Variants in KMT2B observed in about 807,000 individuals in gnomAD.
The protein encoded by KMT2B is lysine methyltransferase 2B, also known as histone-lysine N-methyltransferase 2B.
In KMT2B, 22 loss-of-function variants were observed where a neutral mutation model predicts 255.3. That is an observed-to-expected ratio of 0.09 (90% confidence interval 0.06 to 0.12). The LOEUF is 0.12. Among genes scored for constraint, KMT2B ranks in the 10% least tolerant of loss-of-function variants. The pLI is 1.00. For missense variants in KMT2B, 3,149 were observed against 3,737.0 expected, an observed-to-expected ratio of 0.84 and a Z score of 4.10; for synonymous variants, 1,730 against 1,498.1, an observed-to-expected ratio of 1.15 and a Z score of -3.57.
rs769608051 is a variant in KMT2B at position 35,727,551 on chromosome 19, G to C, written c.4231G>C (p.Gly1411Arg). 4.4e-6 allele frequency: 7 copies of C among 1,607,022 alleles called. No individual in the cohort carries two copies. The African/African-American group carries it at 6.7e-5, about 15-fold the overall frequency. Residue 1411 changes from glycine to arginine, a missense_variant, in exon 16 of 37, where the codon GGG (glycine) becomes CGG (arginine). By Grantham distance (125) the Gly-to-Arg change is moderately radical. This residue lies in a region of KMT2B where 377 missense variants were observed against 471.0 expected (regional missense o/e 0.80). Transcript: ENST00000420124. The surrounding 1 kb of genome is among the most constrained non-coding windows in gnomAD (Gnocchi z 4.2). ...AGAGGCCCTGAGCGGGGCCCTCCAG[G>C]GGGGCCTGCGCCAGGTGCTCCAGGG... ...WREALSGALQGGLRQVLQGLL... is the reference protein window; with the variant it reads ...WREALSGALQRGLRQVLQGLL...
At position 35,732,452 on chromosome 19, in the gene KMT2B, C is replaced by T; in HGVS notation, c.5903C>T (p.Pro1968Leu). The T allele has an allele frequency of 1.2e-6, 2 of 1,613,908 alleles. No homozygotes were observed. The highest frequency in any genetic ancestry group is 1.7e-6 in the Non-Finnish European group (2 of 1,179,834). ...LAPPGPAPSP[P>L]PPEDLGPDFE... ...CCCCCTGGCCCGGCCCCATCTCCAC[C>T]ACCCCCTGAAGACCTGGGCCCAGAC... The change falls in exon 28 of 37, where the codon CCA becomes CTA. Residue 1968 changes from proline to leucine, a missense_variant. Transcript: ENST00000420124.
intron 19 of KMT2B, 142 bp from the exon 20 acceptor site, chr19:35,728,632 C>T (rs1047707594): frequency 1.2e-5 from 8 of 673,836 alleles, no homozygotes; most frequent in African/African-American, 1.8e-5. Context: ...ACAAGAGGGC[C>T]TGGCTTATTT....
Position 35,725,895 on chromosome 19 carries a change from G to T in KMT2B, c.3885+77G>T. ...ACCCCCAAACTTGCTCTAGGCTGGG[G>T]CTCTCAGGAGGAGCAGAGGTTGGGG... On this transcript the variant is annotated intron_variant, in intron 13 of 36. Transcript: ENST00000420124. The surrounding 1 kb of genome is among the most constrained non-coding windows in gnomAD (Gnocchi z 4.1). 8.2e-7 allele frequency: 1 copy of T among 1,224,038 alleles called. No individual in the cohort carries two copies. Among genetic ancestry groups the T allele is most frequent in the Middle Eastern group, 1.9e-4 (1 of 5,336 alleles). The allele number at this position is 1,224,038 out of a possible 1,614,324, so 75.8% of individuals were successfully genotyped here. A position where few individuals can be genotyped will look rare whatever the true frequency, so the allele number is the denominator to read the frequency against.
At position 35,718,072 on chromosome 19, in the gene KMT2B, C is replaced by T. The variant is rs2146428352; in HGVS notation, c.54C>T (p.Gly18=). The change falls in exon 1 of 37, where the codon GGC becomes GGT. Residue 18 remains glycine, a synonymous_variant. Coordinates refer to ENST00000420124, the MANE Select transcript of KMT2B (RefSeq NM_014727.3). This position sits in a 1 kb window ranked among gnomAD's most constrained non-coding sequence, Gnocchi z 5.0. ...GSCPGPGSAR[G]RFPGRPRGAG... Reference sequence around the variant, plus strand: ...GCCCCGGGCCTGGCTCCGCGCGGGGCCGCTTCCCGGGCCGGCCGCGGGGCG... The same window carrying T: ...GCCCCGGGCCTGGCTCCGCGCGGGGTCGCTTCCCGGGCCGGCCGCGGGGCG... 2 of 987,140 alleles carry T rather than the reference C, an allele frequency of 2.0e-6. No homozygotes were observed. The highest frequency in any genetic ancestry group is 2.4e-6 in the Non-Finnish European group (2 of 832,476). The allele number at this position is 987,140 out of a possible 1,614,324, so 61.1% of individuals were successfully genotyped here.
intron 1 of KMT2B, among the ~76,000 whole-genome samples, 172 bp from the exon 2 acceptor site, chr19:35,719,297 T>C (rs1280558846): frequency 6.6e-6 from 1 of 152,196 alleles, no homozygotes; most frequent in African/African-American, 2.4e-5. Context: ...CCTCCATCCC[T>C]AGGGAGAGAC....
In KMT2B at chr19:35,732,748, G is replaced by A. The variant is rs533229757; in HGVS notation, c.6199G>A (p.Gly2067Ser). The A allele has an allele frequency of 3.2e-5, 52 of 1,610,360 alleles. No homozygotes were observed. Among genetic ancestry groups the A allele is most frequent in the Non-Finnish European group, 4.0e-5 (47 of 1,178,748 alleles). Residue 2067 changes from glycine to serine, a missense_variant, in exon 28 of 37, where the codon GGC becomes AGC. By Grantham distance (56) the Gly-to-Ser change is moderately conservative. Transcript: ENST00000420124. ...RIEQLDGVDD[G>S]TDSEAEAVQQ... ...TGAACAGCTGGACGGCGTGGACGAC[G>A]GCACTGACAGTGAGGCTGAGGCGGT...
rs565240074 is a variant in KMT2B, at chr19:35,718,331, C to G, written c.313C>G (p.Arg105Gly). Reference protein sequence around the residue: ...RGRGRGWGPSRGCVPEEESSD... With the variant: ...RGRGRGWGPSGGCVPEEESSD... ...TCGGGGCCGGGGCTGGGGCCCGAGTCGAGGCTGCGTGCCGGAGGAGGAGAG... is the reference window on the plus strand; with the variant it reads ...TCGGGGCCGGGGCTGGGGCCCGAGTGGAGGCTGCGTGCCGGAGGAGGAGAG... The change falls in exon 1 of 37, where the codon CGA becomes GGA. Residue 105 changes from arginine (R) to glycine (G), a missense_variant. Arg to Gly is a moderately radical substitution (Grantham distance 125). This residue lies in a region of KMT2B where 1,188 missense variants were observed against 1,106.4 expected (regional missense o/e 1.07). Transcript: ENST00000420124. The surrounding 1 kb of genome is among the most constrained non-coding windows in gnomAD (Gnocchi z 5.0). 15 of 1,254,540 alleles carry G rather than the reference C, an allele frequency of 1.2e-5. No individual in the cohort carries two copies. The highest frequency in any genetic ancestry group is 1.5e-5 in the Non-Finnish European group (15 of 992,800). 77.7% of individuals were successfully genotyped at this position (1,254,540 alleles called of 1,614,324 possible). A position where few individuals can be genotyped will look rare whatever the true frequency, so the allele number is the denominator to read the frequency against.
intron 23 of KMT2B, 66 bp from the exon 24 acceptor site, chr19:35,730,275 TC>T: frequency 6.2e-7 from 1 of 1,603,790 alleles, no homozygotes; most frequent in Admixed American, 1.7e-5. Flanking sequence ...CCCTGACTGT[TC>T]AGACTTCCCT....
rs749310826 is a variant in KMT2B, at chr19:35,738,128, G to A, written c.7809G>A (p.Glu2603=). ...RNIDAGEMVI[E]YSGIVIRSVL... ...TCGACGCGGGGGAGATGGTCATCGA[G>A]TACTCTGGCATTGTCATCCGCTCGG... Residue 2603 remains glutamate, a synonymous_variant, in exon 36 of 37, where the codon GAG becomes GAA. Transcript: ENST00000420124. This position sits in a 1 kb window ranked among gnomAD's most constrained non-coding sequence, Gnocchi z 8.7. 6.2e-7 allele frequency: 1 copy of A among 1,613,882 alleles called. No individual in the cohort carries two copies. The highest frequency in any genetic ancestry group is 2.2e-5 in the East Asian group (1 of 44,874).
chr19:35,725,882 G>A lies in KMT2B; in HGVS notation c.3885+64G>A. The A allele has an allele frequency of 7.3e-7, 1 of 1,376,230 alleles. No individual in the cohort carries two copies. The allele number at this position is 1,376,230 out of a possible 1,614,324, so 85.3% of individuals were successfully genotyped here. ...GAATATCACCACCACCCCCAAACTTGCTCTAGGCTGGGGCTCTCAGGAGGA... is the reference window on the plus strand; with the variant it reads ...GAATATCACCACCACCCCCAAACTTACTCTAGGCTGGGGCTCTCAGGAGGA... On this transcript the variant is annotated intron_variant, in intron 13 of 36. Transcript: ENST00000420124. This position sits in a 1 kb window ranked among gnomAD's most constrained non-coding sequence, Gnocchi z 4.1.
Position 35,720,830 on chromosome 19 carries a change from C to T in KMT2B, c.1483C>T (p.Pro495Ser). 2 of 1,546,224 alleles carry T rather than the reference C, an allele frequency of 1.3e-6. No individual in the cohort carries two copies. The highest frequency in any genetic ancestry group is 2.4e-5 in the South Asian group (2 of 81,922). Reference sequence around the variant, plus strand: ...GGCAGGGCCAGAGGGCACCTCTCCTCCCACTCCAACCCCCAGCACCGCCAC... The same window carrying T: ...GGCAGGGCCAGAGGGCACCTCTCCTTCCACTCCAACCCCCAGCACCGCCAC... ...ARAGPEGTSP[P>S]TPTPSTATGG... The change falls in exon 3 of 37, where the codon CCC (proline) becomes TCC (serine). Residue 495 changes from proline (P) to serine (S), a missense_variant. Physicochemically the swap from Pro to Ser is moderately conservative, Grantham distance 74 (BLOSUM62 -1). Around this residue, in one of 18 missense-constraint regions of KMT2B, gnomAD observed 1,188 missense variants for 1,106.4 expected, o/e 1.07. Transcript: ENST00000420124.
rs1268854614 is a variant in KMT2B at position 35,725,403 on chromosome 19, C to T, written c.3642+70C>T. 4.0e-5 allele frequency: 63 copies of T among 1,581,104 alleles called. No homozygotes were observed. Among genetic ancestry groups the T allele is most frequent in the Non-Finnish European group, 5.4e-5 (63 of 1,162,214 alleles). On this transcript the variant is annotated intron_variant, in intron 11 of 36. Coordinates refer to ENST00000420124, the MANE Select transcript of KMT2B (RefSeq NM_014727.3). The surrounding 1 kb of genome is among the most constrained non-coding windows in gnomAD (Gnocchi z 4.1). The stretch of plus-strand genomic sequence containing the variant: ...TCCTCACGGCCTGATTCCTTGGGCC[C>T]TCTCAGCTGGGTCTCATCCCTTGGC...
chr19:35,732,663 T>C lies in KMT2B; in HGVS notation c.6114T>C (p.Pro2038=). The C allele has an allele frequency of 3.1e-6, 5 of 1,610,258 alleles. No homozygotes were observed. The highest frequency in any genetic ancestry group is 4.2e-6 in the Non-Finnish European group (5 of 1,178,390). ...CCACCTCCCGCTACATCCACTTCCC[T>C]GTGACTGTGGTGTCCGCCCCTGGTC... ...SSPTSRYIHF[P]VTVVSAPGLA... The change falls in exon 28 of 37, where the codon CCT becomes CCC. Residue 2038 remains proline (P), a synonymous_variant. Transcript: ENST00000420124.
rs1310133895 is a variant in KMT2B at position 35,733,489 on chromosome 19, C to T, written c.6940C>T (p.Pro2314Ser). 6.4e-7 allele frequency: 1 copy of T among 1,565,702 alleles called. No homozygotes were observed. Among genetic ancestry groups the T allele is most frequent in the Non-Finnish European group, 8.7e-7 (1 of 1,155,464 alleles). ...GEASEDTPQV[P>S]GLGSGGFSRV... is the part of the protein sequence containing the mutation. ...GGCCTCAGAGGATACCCCTCAGGTT[C>T]CAGGGCTTGGCAGTGGCGGGTGAGT... Residue 2314 changes from proline (P) to serine (S), a missense_variant, in exon 28 of 37, where the codon CCA becomes TCA. Physicochemically the swap from Pro to Ser is moderately conservative, Grantham distance 74. Around this residue, in one of 18 missense-constraint regions of KMT2B, gnomAD observed 897 missense variants for 825.3 expected, o/e 1.09. Coordinates refer to ENST00000420124, the MANE Select transcript of KMT2B (RefSeq NM_014727.3). This position sits in a 1 kb window ranked among gnomAD's most constrained non-coding sequence, Gnocchi z 4.3.
Position 35,727,156 on chromosome 19 carries a change from G to A in KMT2B, c.4004G>A (p.Gly1335Glu), listed in dbSNP as rs1388491384. ...CPRCTQLYEK[G>E]NYCPICTRCY... ...GACTCCTTCTCTTCCCTTTCTCTAG[G>A]AAACTACTGCCCGATCTGTACACGC... Residue 1335 changes from glycine (G) to glutamate (E), a missense_variant and splice_region_variant, in exon 15 of 37, where the codon GGA becomes GAA. By Grantham distance (98) the Gly-to-Glu change is moderately conservative (BLOSUM62 -2). Around this residue, in one of 18 missense-constraint regions of KMT2B, gnomAD observed 377 missense variants for 471.0 expected, o/e 0.80. Transcript: ENST00000420124. The surrounding 1 kb of genome is among the most constrained non-coding windows in gnomAD (Gnocchi z 4.2). The A allele has an allele frequency of 6.2e-7, 1 of 1,609,008 alleles. No homozygotes were observed. The highest frequency in any genetic ancestry group is 1.1e-5 in the South Asian group (1 of 90,124).
chr19:35,736,624 G>A, intron 30 of KMT2B, 66 bp from the exon 31 acceptor site: 1 of 1,586,292 alleles, frequency 6.3e-7, no homozygotes, highest in South Asian at 1.1e-5. Flanking sequence ...TGGGAGCACA[G>A]CGGGGCTCAG....
chr19:35,728,671 A>G, intron 19 of KMT2B, 103 bp from the exon 20 acceptor site: 1 of 789,488 alleles, frequency 1.3e-6, no homozygotes, highest in East Asian at 2.7e-5. Flanking sequence ...CCACATAGAG[A>G]GGGAGTAGCG....
chr19:35,728,636 CTTAT>C, intron 19 of KMT2B, 134 bp from the exon 20 acceptor site: 1 of 682,962 alleles, frequency 1.5e-6, no homozygotes, highest in South Asian at 1.7e-5. Flanking sequence ...GAGGGCCTGG[CTTAT>C]TTGGTGGACT....
rs1266540705 is a variant in KMT2B at position 35,718,367 on chromosome 19, G to A, written c.349G>A (p.Glu117Lys). ...GCCGGAGGAGGAGAGCAGTGACGGG[G>A]AATCCGACGAGGAGGTGAGGCGGTT... ...CVPEEESSDGESDEEEFQGFH... is the reference protein window; with the variant it reads ...CVPEEESSDGKSDEEEFQGFH... The change falls in exon 1 of 37, where the codon GAA becomes AAA. Residue 117 changes from glutamate (E) to lysine (K), a missense_variant. Glu to Lys is a moderately conservative substitution (Grantham distance 56). Around this residue, in one of 18 missense-constraint regions of KMT2B, gnomAD observed 1,188 missense variants for 1,106.4 expected, o/e 1.07. Transcript: ENST00000420124. This position sits in a 1 kb window ranked among gnomAD's most constrained non-coding sequence, Gnocchi z 5.0. 9 of 1,269,848 alleles carry A rather than the reference G, an allele frequency of 7.1e-6. No individual in the cohort carries two copies. Among genetic ancestry groups the A allele is most frequent in the Non-Finnish European group, 9.0e-6 (9 of 1,001,176 alleles). The allele number at this position is 1,269,848 out of a possible 1,614,324, so 78.7% of individuals were successfully genotyped here.
Sources: allele counts gnomAD v4.1 joint callset (sites outside exome capture counted in the v4.1 genomes callset), GRCh38; gene constraint gnomAD v4.1.1; regional missense constraint gnomAD v4.1.1; non-coding constraint Gnocchi (gnomAD v3.1); transcripts MANE v1.5; gene names NCBI Gene and HGNC (gene_info 2026-07-23, HGNC 2026-07-21).